GRIN2B: variants seen among roughly 807,000 people sequenced by gnomAD.
GRIN2B encodes glutamate ionotropic receptor NMDA type subunit 2B.
In GRIN2B, 5 loss-of-function variants were observed where a neutral mutation model predicts 114.5. The observed-to-expected ratio is 0.04, with a 90% CI of 0.02 to 0.09. GRIN2B has a LOEUF of 0.09. Ranked by LOEUF, GRIN2B falls within the 10% of genes least tolerant of loss-of-function variation. The probability of loss-of-function intolerance (pLI) is 1.00; values close to 1 mark genes in which losing one functional copy is unlikely to be tolerated. For missense variants in GRIN2B, 1,108 were observed against 1,943.5 expected (o/e 0.57, Z 8.08); for synonymous variants, 787 against 745.1 (o/e 1.06, Z -0.92).
At chr12:13,608,884 G>T in intron 9 of GRIN2B, 52 bp from the exon 10 acceptor site, 3 of 1,321,754 alleles carry the variant, frequency 2.3e-6, no homozygotes, top group African/African-American at 1.4e-5. Context: ...GGCTGGTTCT[G>T]TTGAAACCTA....
intron 2 of GRIN2B, among the ~76,000 whole-genome samples, chr12:13,957,204 C>G (rs1348204515): frequency 1.3e-5 from 2 of 152,162 alleles, no homozygotes; most frequent in African/African-American, 4.8e-5. Context: ...CTCGGCTCAG[C>G]TGCAACAAGT....
intron 10 of GRIN2B, among the ~76,000 whole-genome samples, chr12:13,580,729 G>T (rs1450779513): frequency 1.3e-5 from 2 of 151,974 alleles, no homozygotes; most frequent in East Asian, 3.9e-4. Context: ...GACTTTTATT[G>T]TCATGAATTT....
chr12:13,720,767 G>A (rs989234710), intron 4 of GRIN2B, among the ~76,000 whole-genome samples: 5 of 152,004 alleles, frequency 3.3e-5, no homozygotes, highest in African/African-American at 1.2e-4. Context: ...GTTTTAAGGG[G>A]CAAGACTAAA....
chr12:13,720,885 A>G (rs1049141146), intron 4 of GRIN2B, among the ~76,000 whole-genome samples: 2 of 152,140 alleles, frequency 1.3e-5, no homozygotes, highest in African/African-American at 4.8e-5. Flanking sequence ...AGAAACTTAT[A>G]TGAACAAATT....
Position 13,741,098 on chromosome 12 carries a change from T to A in GRIN2B, c.1010+12219A>T, listed in dbSNP as rs61912120. Among the ~76,000 whole-genome samples, 296 of 152,222 alleles carry A rather than the reference T, an allele frequency of 1.9e-3. 2 individuals are homozygous for A. The highest frequency in any genetic ancestry group is 3.5e-3 in the South Asian group (17 of 4,816). On this transcript the variant is annotated intron_variant, in intron 4 of 13. Transcript: ENST00000609686. ...ACTCTGTGAGTGCAGTGGTGTGATC[T>A]CAGCTCACTGCAACCTCCACCTCCC...
chr12:13,943,634 T>G (rs1386810092), intron 2 of GRIN2B, among the ~76,000 whole-genome samples: 1 of 152,204 alleles, frequency 6.6e-6, no homozygotes, highest in Non-Finnish European at 1.5e-5. Context: ...CCAAGGTCTT[T>G]GTATTTGTTG....
intron 2 of GRIN2B, among the ~76,000 whole-genome samples, chr12:13,967,987 C>T (rs1565604133): frequency 1.3e-5 from 2 of 152,202 alleles, no homozygotes; most frequent in Non-Finnish European, 1.5e-5. Context: ...CTGGAAAAAA[C>T]AGTTTCACAC....
At chr12:13,671,253 T>G (rs532436716) in intron 5 of GRIN2B, among the ~76,000 whole-genome samples, 1 of 152,308 alleles carries the variant, frequency 6.6e-6, no homozygotes, top group South Asian at 2.1e-4. Flanking sequence ...TCACTGATGT[T>G]TGACTGTAAA....
chr12:13,794,854 C>G (rs1461919447), intron 3 of GRIN2B, among the ~76,000 whole-genome samples: 1 of 152,204 alleles, frequency 6.6e-6, no homozygotes, highest in Non-Finnish European at 1.5e-5. Context: ...GGACACCAAG[C>G]TACCTCATTG....
chr12:13,778,344 C>T (rs1335505723), intron 3 of GRIN2B, among the ~76,000 whole-genome samples: 1 of 152,176 alleles, frequency 6.6e-6, no homozygotes. Flanking sequence ...TTCTGGAGAA[C>T]ACAACTTTCT....
chr12:13,673,422 C>T (rs989549153), intron 5 of GRIN2B, among the ~76,000 whole-genome samples: 1 of 152,006 alleles, frequency 6.6e-6, no homozygotes, highest in Non-Finnish European at 1.5e-5. Context: ...AGTCCATAAA[C>T]CATAGAAGGC....
chr12:13,964,208 C>A (rs1452844669), intron 2 of GRIN2B, among the ~76,000 whole-genome samples: 1 of 152,190 alleles, frequency 6.6e-6, no homozygotes, highest in Non-Finnish European at 1.5e-5. Context: ...TGGGCGGTCA[C>A]GTTGGCTCAC....
chr12:13,679,710 T>A (rs1950110481), intron 4 of GRIN2B, among the ~76,000 whole-genome samples: 1 of 152,174 alleles, frequency 6.6e-6, no homozygotes, highest in Non-Finnish European at 1.5e-5. Flanking sequence ...AGCATGCAAA[T>A]ATACATCAGC....
At chr12:13,591,026 T>C (rs545389674) in intron 10 of GRIN2B, among the ~76,000 whole-genome samples, 10 of 152,298 alleles carry the variant, frequency 6.6e-5, no homozygotes, top group African/African-American at 2.4e-4. Flanking sequence ...AGGCACCTCT[T>C]GTCTGAGAGG....
intron 9 of GRIN2B, among the ~76,000 whole-genome samples, chr12:13,609,633 C>T (rs570706148): frequency 1.1e-4 from 16 of 152,058 alleles, no homozygotes; most frequent in Non-Finnish European, 1.8e-4. Flanking sequence ...ATTAGCTGGG[C>T]GTGGTGGCGG....
chr12:13,690,319 G>A lies in GRIN2B; in HGVS notation c.1011-14460C>T, dbSNP rs781306977. On this transcript the variant is annotated intron_variant, in intron 4 of 13. Coordinates refer to ENST00000609686, the MANE Select transcript of GRIN2B (RefSeq NM_000834.5). ...CACACACACACACACACACACACAT[G>A]CACACGCACAATCTATTTACAAATA... Among the ~76,000 whole-genome samples, 6 of 115,510 alleles carry A rather than the reference G, an allele frequency of 5.2e-5. No homozygotes were observed. In the East Asian group the frequency reaches 1.2e-3, roughly 24 times the overall value. 75.8% of individuals were successfully genotyped at this position (115,510 alleles called of 152,430 possible). A position where few individuals can be genotyped will look rare whatever the true frequency, so the allele number is the denominator to read the frequency against.
At chr12:13,899,943 C>G (rs553542314) in intron 2 of GRIN2B, among the ~76,000 whole-genome samples, 91 of 152,288 alleles carry the variant, frequency 6.0e-4, no homozygotes, top group Non-Finnish European at 1.2e-3. Context: ...ACCAGCTCCC[C>G]TAAAGGACAC....
intron 4 of GRIN2B, among the ~76,000 whole-genome samples, chr12:13,742,906 C>T (rs373382219): frequency 6.6e-5 from 10 of 152,338 alleles, no homozygotes; most frequent in African/African-American, 2.2e-4. Context: ...ATTTACCTTC[C>T]TTCCTTTCTA....
chr12:13,711,037 C>T (rs971407694), intron 4 of GRIN2B, among the ~76,000 whole-genome samples: 11 of 152,060 alleles, frequency 7.2e-5, no homozygotes, highest in African/African-American at 1.7e-4. Flanking sequence ...GAGATATAGA[C>T]CAATGGAACA....
Sources: allele counts gnomAD v4.1 joint callset (sites outside exome capture counted in the v4.1 genomes callset), GRCh38; gene constraint gnomAD v4.1.1; transcripts MANE v1.5; gene names NCBI Gene and HGNC (gene_info 2026-07-23, HGNC 2026-07-21).